Variants in TMEM132B observed in about 807,000 individuals in gnomAD.
TMEM132B encodes the protein transmembrane protein 132B.
A neutral mutation model predicts 90.8 loss-of-function variants in TMEM132B; 18 were observed. The observed-to-expected ratio is 0.20, with a 90% CI of 0.14 to 0.29. The LOEUF is 0.29. Among genes scored for constraint, TMEM132B ranks in the 10% least tolerant of loss-of-function variants. The pLI is 1.00. For synonymous variants in TMEM132B, 504 were observed against 523.3 expected (o/e 0.96, Z 0.50); for missense variants, 1,096 against 1,326.8 (o/e 0.83, Z 2.70).
chr12:125,372,764 G>C (rs1224746824), intron 2 of TMEM132B, among the ~76,000 whole-genome samples: 1 of 152,188 alleles, frequency 6.6e-6, no homozygotes, highest in Non-Finnish European at 1.5e-5. Flanking sequence ...GGAATGAAGT[G>C]AGTAAAGGGC....
chr12:125,629,041 G>C (rs192098320), intron 5 of TMEM132B, among the ~76,000 whole-genome samples: 1 of 152,154 alleles, frequency 6.6e-6, no homozygotes, highest in East Asian at 1.9e-4. Context: ...ATGCTGTCTT[G>C]GCTGCTATAG....
rs1360056707 is a variant in TMEM132B, at chr12:125,406,279, A to C, written c.960-9252A>C. The stretch of plus-strand genomic sequence containing the variant: ...TTTGCCTGTCTAGTGATGCTCATCA[A>C]GTTTCCTCATGTGGAAAATGGAAGC... On this transcript the variant is annotated intron_variant, in intron 2 of 8. Transcript: ENST00000682704. This position sits in a 1 kb window ranked among gnomAD's most constrained non-coding sequence, Gnocchi z 8.3. Among the ~76,000 whole-genome samples, 2 of 152,218 alleles carry C rather than the reference A, an allele frequency of 1.3e-5. No homozygotes were observed. The highest frequency in any genetic ancestry group is 2.9e-5 in the Non-Finnish European group (2 of 68,040).
chr12:125,439,837 G>A (rs1880816471), intron 3 of TMEM132B, among the ~76,000 whole-genome samples: 1 of 152,172 alleles, frequency 6.6e-6, no homozygotes, highest in Non-Finnish European at 1.5e-5. Context: ...TTTGAGGTAT[G>A]TTCCTTCAGT....
intron 3 of TMEM132B, among the ~76,000 whole-genome samples, chr12:125,511,477 C>T (rs1035337815): frequency 6.6e-6 from 1 of 151,928 alleles, no homozygotes; most frequent in Admixed American, 6.6e-5. Context: ...CCTTTTCACT[C>T]TCATCTCTTT....
At chr12:125,298,617 T>C (rs931573059) in intron 1 of TMEM132B, among the ~76,000 whole-genome samples, 3 of 131,792 alleles carry the variant, frequency 2.3e-5, no homozygotes, top group African/African-American at 8.9e-5. Flanking sequence ...GAGTTTGCAG[T>C]GAGCCGAGAT....
At chr12:125,479,131 C>T (rs1343745547) in intron 3 of TMEM132B, among the ~76,000 whole-genome samples, 1 of 152,210 alleles carries the variant, frequency 6.6e-6, no homozygotes. Context: ...TGGAAAGGAA[C>T]AACCGGTACC....
chr12:125,626,994 A>G (rs1162278986), intron 5 of TMEM132B, among the ~76,000 whole-genome samples: 1 of 151,868 alleles, frequency 6.6e-6, no homozygotes, highest in Non-Finnish European at 1.5e-5. Flanking sequence ...TGTCACTCTT[A>G]TTCCCTTTGT....
chr12:125,618,323 G>A (rs1886038329), intron 5 of TMEM132B, among the ~76,000 whole-genome samples: 1 of 152,180 alleles, frequency 6.6e-6, no homozygotes, highest in Non-Finnish European at 1.5e-5. Context: ...CTGGGTGGAG[G>A]AAGGGAGCCT....
At chr12:125,231,208 C>T (rs1593049216) in intron 1 of TMEM132B, among the ~76,000 whole-genome samples, 1 of 146,452 alleles carries the variant, frequency 6.8e-6, no homozygotes, top group Non-Finnish European at 1.5e-5. Context: ...GGCTGTCTTC[C>T]GTGTGTGTGT....
At chr12:125,199,492 A>G (rs908088957) in intron 1 of TMEM132B, among the ~76,000 whole-genome samples, 1 of 152,170 alleles carries the variant, frequency 6.6e-6, no homozygotes, top group South Asian at 2.1e-4. Flanking sequence ...CTCAAGTGAC[A>G]CATTAAGGAT....
chr12:125,241,432 C>G (rs1049298837), intron 1 of TMEM132B, among the ~76,000 whole-genome samples: 1 of 152,122 alleles, frequency 6.6e-6, no homozygotes, highest in Non-Finnish European at 1.5e-5. Context: ...TGAGTTTTTT[C>G]CATGCACATT....
intron 3 of TMEM132B, among the ~76,000 whole-genome samples, chr12:125,454,375 CGTGTGTGTGTGTGTGTTTGT>C (rs1881233169): frequency 8.3e-6 from 1 of 119,854 alleles, no homozygotes; most frequent in Non-Finnish European, 1.7e-5. Flanking sequence ...TACAGCCAGC[CGTGTGTGTGTGTGTGTTTGT>C]GTGTGTGTGT....
At chr12:125,471,200 C>G (rs150839165) in intron 3 of TMEM132B, among the ~76,000 whole-genome samples, 64 of 152,324 alleles carry the variant, frequency 4.2e-4, no homozygotes, top group African/African-American at 1.4e-3. Flanking sequence ...TGTGTGATCT[C>G]TCTATGTTTT....
chr12:125,646,311 G>C (rs1447547105), intron 6 of TMEM132B, among the ~76,000 whole-genome samples: 1 of 152,210 alleles, frequency 6.6e-6, no homozygotes, highest in Non-Finnish European at 1.5e-5. Flanking sequence ...GAAAATTTTG[G>C]AAGGGCTATG....
intron 1 of TMEM132B, among the ~76,000 whole-genome samples, chr12:125,210,860 G>A (rs1873302902): frequency 6.6e-6 from 1 of 152,166 alleles, no homozygotes; most frequent in East Asian, 1.9e-4. Flanking sequence ...CTACTTGGGA[G>A]GCTGAGGCAG....
chr12:125,636,132 G>T (rs75491902), intron 5 of TMEM132B, among the ~76,000 whole-genome samples: 2,555 of 152,208 alleles, frequency 0.017, 95 homozygotes, highest in African/African-American at 0.059. Context: ...CCTGAGTTTT[G>T]GTTCCCATGA....
chr12:125,400,074 T>C (rs1879274216), intron 2 of TMEM132B, among the ~76,000 whole-genome samples: 1 of 152,224 alleles, frequency 6.6e-6, no homozygotes, highest in Admixed American at 6.5e-5. Context: ...ATGGGCTCCA[T>C]TGCCTACAAA....
At chr12:125,503,972 A>C (rs1186300400) in intron 3 of TMEM132B, among the ~76,000 whole-genome samples, 1 of 152,208 alleles carries the variant, frequency 6.6e-6, no homozygotes, top group Non-Finnish European at 1.5e-5. Context: ...ATTTCTTTAG[A>C]GTAATTGGCC....
intron 1 of TMEM132B, among the ~76,000 whole-genome samples, chr12:125,244,984 T>C (rs1874175019): frequency 6.6e-6 from 1 of 152,158 alleles, no homozygotes; most frequent in African/African-American, 2.4e-5. Flanking sequence ...CGGATGGAGC[T>C]GGGCAACTGT....
Sources: allele counts gnomAD v4.1 joint callset (sites outside exome capture counted in the v4.1 genomes callset), GRCh38; gene constraint gnomAD v4.1.1; non-coding constraint Gnocchi (gnomAD v3.1); transcripts MANE v1.5; gene names NCBI Gene and HGNC (gene_info 2026-07-23, HGNC 2026-07-21).